CATSPERT: variants seen among roughly 807,000 people sequenced by gnomAD.
CATSPERT encodes the protein catsper channel auxiliary subunit tau.
the CATSPERT span, among the ~76,000 whole-genome samples, chr2:201,515,317 C>T: frequency 7.1e-6 from 1 of 141,342 alleles, no homozygotes; most frequent in Admixed American, 7.7e-5. Context: ...TCACTGCAGC[C>T]TCAGTCTCCC....
chr2:201,617,225 AC>A, the CATSPERT span, among the ~76,000 whole-genome samples: 5 of 152,208 alleles, frequency 3.3e-5, no homozygotes, highest in Non-Finnish European at 7.3e-5. Flanking sequence ...TTCATATGGA[AC>A]CAAAAAAGAG....
chr2:201,548,794 A>G, the CATSPERT span, among the ~76,000 whole-genome samples: 4 of 152,096 alleles, frequency 2.6e-5, no homozygotes, highest in African/African-American at 9.7e-5. Context: ...TTACAAATAA[A>G]ATATAGTTTT....
the CATSPERT span, among the ~76,000 whole-genome samples, chr2:201,551,555 C>T: frequency 1.3e-5 from 2 of 152,162 alleles, no homozygotes; most frequent in Non-Finnish European, 2.9e-5. Flanking sequence ...TACTGTACTA[C>T]TGTAATAATT....
At chr2:201,536,001 C>A in the CATSPERT span, 4 of 1,612,122 alleles carry the variant, frequency 2.5e-6, no homozygotes. Context: ...TGGATTTATA[C>A]AGATACTCCT....
At chr2:201,540,132 G>A in the CATSPERT span, among the ~76,000 whole-genome samples, 10 of 152,158 alleles carry the variant, frequency 6.6e-5, no homozygotes, top group African/African-American at 2.2e-4. Context: ...AGGTGAGGTG[G>A]CTGCAGAAGA....
At chr2:201,557,034 C>G in the CATSPERT span, 1 of 152,040 alleles carries the variant, frequency 6.6e-6, no homozygotes, top group African/African-American at 2.4e-5. Context: ...CAGTCTCATT[C>G]CAGCTCTAAT....
At chr2:201,582,675 T>C in the CATSPERT span, among the ~76,000 whole-genome samples, 1 of 152,210 alleles carries the variant, frequency 6.6e-6, no homozygotes, top group Non-Finnish European at 1.5e-5. Flanking sequence ...TCAGTCTCTG[T>C]TCTTTAACTT....
chr2:201,568,338 G>A, the CATSPERT span, among the ~76,000 whole-genome samples: 5 of 152,110 alleles, frequency 3.3e-5, no homozygotes, highest in Non-Finnish European at 5.9e-5. Flanking sequence ...CAAGATCCCT[G>A]GGAACTAAAT....
chr2:201,518,714 G>A, the CATSPERT span, among the ~76,000 whole-genome samples: 4 of 152,200 alleles, frequency 2.6e-5, no homozygotes, highest in Non-Finnish European at 5.9e-5. Flanking sequence ...AATTCAGTTG[G>A]TAATAATGCA....
chr2:201,616,597 TATC>T, the CATSPERT span, among the ~76,000 whole-genome samples: 1 of 152,146 alleles, frequency 6.6e-6, no homozygotes, highest in Admixed American at 6.5e-5. Flanking sequence ...CCATAGCCAA[TATC>T]ATACTGAATG....
the CATSPERT span, chr2:201,549,999 A>G: frequency 6.6e-6 from 1 of 152,170 alleles, no homozygotes; most frequent in Non-Finnish European, 1.5e-5. Context: ...TAATCCCTAC[A>G]ACAGACCTTA....
the CATSPERT span, chr2:201,549,699 C>T: frequency 5.3e-5 from 8 of 152,102 alleles, no homozygotes; most frequent in Non-Finnish European, 1.2e-4. Context: ...ACTACACTTA[C>T]AAAATCACAC....
chr2:201,549,420 G>A, the CATSPERT span, among the ~76,000 whole-genome samples: 7 of 151,936 alleles, frequency 4.6e-5, no homozygotes, highest in African/African-American at 7.2e-5. Flanking sequence ...TAAAAATTTC[G>A]AATGATTTCA....
At chr2:201,527,684 G>A in the CATSPERT span, among the ~76,000 whole-genome samples, 1 of 152,142 alleles carries the variant, frequency 6.6e-6, no homozygotes, top group East Asian at 1.9e-4. Flanking sequence ...AATAAATGGT[G>A]CTAGGATAAC....
At chr2:201,506,194 G>A in the CATSPERT span, among the ~76,000 whole-genome samples, 1 of 152,196 alleles carries the variant, frequency 6.6e-6, no homozygotes, top group African/African-American at 2.4e-5. Flanking sequence ...GCGAACCCGG[G>A]AGGCGGAGGT....
At chr2:201,559,199 A>G in the CATSPERT span, among the ~76,000 whole-genome samples, 2 of 152,146 alleles carry the variant, frequency 1.3e-5, no homozygotes, top group Non-Finnish European at 2.9e-5. Flanking sequence ...CAGAGAAACC[A>G]TCTTGCAGGC....
the CATSPERT span, among the ~76,000 whole-genome samples, chr2:201,613,445 A>G: frequency 6.6e-6 from 1 of 152,356 alleles, no homozygotes. Context: ...AAACAGGGTC[A>G]GAGTGGACCT....
the CATSPERT span, among the ~76,000 whole-genome samples, chr2:201,558,856 C>T: frequency 1.1e-4 from 16 of 152,146 alleles, no homozygotes; most frequent in African/African-American, 2.9e-4. Flanking sequence ...CATTACACCT[C>T]CAAACCCACA....
At chr2:201,580,546 A>C in the CATSPERT span, among the ~76,000 whole-genome samples, 1 of 151,930 alleles carries the variant, frequency 6.6e-6, no homozygotes, top group East Asian at 1.9e-4. Context: ...CTCTTTTTTG[A>C]AGATCACCAA....
Sources: gnomAD v4.1 joint callset for allele counts (sites outside exome capture counted in the v4.1 genomes callset) on GRCh38, gnomAD v4.1.1 for gene constraint, MANE v1.5 for transcripts, NCBI Gene and HGNC (gene_info 2026-07-23, HGNC 2026-07-21) for gene names.